ALDH1A1: variants seen among roughly 807,000 people sequenced by gnomAD.
ALDH1A1 encodes the protein aldehyde dehydrogenase 1 family member A1.
ALDH1A1 carries 19 observed loss-of-function variants against 62.1 expected under a neutral mutation model. The ratio of observed to expected loss-of-function variants is 0.31; its 90% CI spans 0.21 to 0.45. The LOEUF (loss-of-function observed/expected upper bound fraction) is 0.45. Ranked by LOEUF, ALDH1A1 falls within the 20% of genes least tolerant of loss-of-function variation. ALDH1A1 has a pLI of 1.00. For synonymous variants in ALDH1A1, 231 were observed against 215.9 expected, an observed-to-expected ratio of 1.07 and a Z score of -0.61; for missense variants, 521 against 607.1, an observed-to-expected ratio of 0.86 and a Z score of 1.49.
At chr9:72,912,282 A>G (rs1296703243) in intron 9 of ALDH1A1, among the ~76,000 whole-genome samples, 160 bp from the exon 10 acceptor site, 1 of 152,224 alleles carries the variant, frequency 6.6e-6, no homozygotes, top group Non-Finnish European at 1.5e-5. Flanking sequence ...TTCTTTGGAT[A>G]TATTTTCTTC....
Position 72,907,853 on chromosome 9 carries a change from T to A in ALDH1A1, c.1358+1749A>T, listed in dbSNP as rs776043936. ...CTGAATTTTATTAATGCTTTTATCA[T>A]AGGCAAATTCTATATTCATCACTAG... On this transcript the variant is annotated intron_variant, in intron 11 of 12. Transcript: ENST00000297785. Among the ~76,000 whole-genome samples, 210 of 152,326 alleles carry A rather than the reference T, an allele frequency of 1.4e-3. 1 individual carries two copies. The highest frequency in any genetic ancestry group is 2.0e-3 in the Non-Finnish European group (133 of 68,020).
At chr9:72,929,136 G>C in intron 3 of ALDH1A1, 115 bp from the exon 4 acceptor site, 1 of 1,163,596 alleles carries the variant, frequency 8.6e-7, no homozygotes. Flanking sequence ...AAGAAATCTT[G>C]TCATCTTGTC....
Position 72,904,959 on chromosome 9 carries a change from G to GCA in ALDH1A1, c.1433+997_1433+998dup, listed in dbSNP as rs1160682924. The stretch of plus-strand genomic sequence containing the variant: ...CATAGCAAGTGCTTAATAAATGAAA[G>GCA]CATATTGAGAAAGTAGACTGGTCAT... On this transcript the variant is annotated intron_variant, in intron 12 of 12. Transcript: ENST00000297785. Among the ~76,000 whole-genome samples, 15 of 152,206 alleles carry GCA rather than the reference G, an allele frequency of 9.9e-5. No individual in the cohort carries two copies. In the South Asian group the frequency reaches 3.1e-3, roughly 32 times the overall value.
At chr9:72,921,855 G>C (rs1266715581) in intron 7 of ALDH1A1, among the ~76,000 whole-genome samples, 1 of 151,996 alleles carries the variant, frequency 6.6e-6, no homozygotes, top group Non-Finnish European at 1.5e-5. Flanking sequence ...ATATGTGGTG[G>C]ACAATGGGAA....
At chr9:72,946,077 A>G (rs1830470308) in intron 1 of ALDH1A1, among the ~76,000 whole-genome samples, 1 of 152,006 alleles carries the variant, frequency 6.6e-6, no homozygotes, top group Non-Finnish European at 1.5e-5. Context: ...ACTGTGTCCT[A>G]GAGATGATAA....
At chr9:72,924,208 T>A (rs920527656) in intron 6 of ALDH1A1, 76 bp from the exon 7 acceptor site, 1 of 997,710 alleles carries the variant, frequency 1.0e-6, no homozygotes, top group South Asian at 1.6e-5. Context: ...ATTGAGATTG[T>A]CTCTTAATGC....
At chr9:72,908,155 C>G (rs913352985) in intron 11 of ALDH1A1, among the ~76,000 whole-genome samples, 14 of 152,094 alleles carry the variant, frequency 9.2e-5, no homozygotes, top group Admixed American at 6.5e-4. Context: ...CATGGTGGCT[C>G]AGGCCTGTAA....
chr9:72,951,404 C>T (rs1052673054), intron 1 of ALDH1A1, among the ~76,000 whole-genome samples: 3 of 151,494 alleles, frequency 2.0e-5, no homozygotes, highest in African/African-American at 2.4e-5. Flanking sequence ...TTAGAGCTTC[C>T]TTGAAATACA....
chr9:72,930,544 T>C (rs372227506), intron 3 of ALDH1A1, among the ~76,000 whole-genome samples: 2 of 152,238 alleles, frequency 1.3e-5, no homozygotes, highest in South Asian at 2.1e-4. Flanking sequence ...ACCTAATATA[T>C]CATTCTAGGA....
chr9:72,947,049 C>T (rs1425966288), intron 1 of ALDH1A1, among the ~76,000 whole-genome samples: 1 of 151,890 alleles, frequency 6.6e-6, no homozygotes, highest in South Asian at 2.1e-4. Context: ...GGGACAATAC[C>T]CTCTCTTAGG....
In ALDH1A1 at chr9:72,916,943, G is replaced by A; in HGVS notation, c.1012C>T (p.Pro338Ser). Reference protein sequence around the residue: ...KKYILGNPLTPGVTQGPQIDK... With the variant: ...KKYILGNPLTSGVTQGPQIDK... The stretch of plus-strand genomic sequence containing the variant: ...ACCTGAGGGCCTTGAGTGACTCCTG[G>A]GGTCAGAGGATTTCCAAGGATATAC... Residue 338 changes from proline to serine, a missense_variant, in exon 9 of 13, where the codon CCA becomes TCA. Pro to Ser is a moderately conservative substitution (Grantham distance 74). Coordinates refer to ENST00000297785, the MANE Select transcript of ALDH1A1 (RefSeq NM_000689.5). The A allele has an allele frequency of 6.2e-7, 1 of 1,611,314 alleles. No homozygotes were observed.
intron 9 of ALDH1A1, among the ~76,000 whole-genome samples, chr9:72,913,671 G>A (rs1246273016): frequency 6.6e-6 from 1 of 152,212 alleles, no homozygotes; most frequent in African/African-American, 2.4e-5. Flanking sequence ...GAAAAGGGCT[G>A]AAAAGCCTTA....
chr9:72,909,343 G>C (rs576684912), intron 11 of ALDH1A1, among the ~76,000 whole-genome samples: 4 of 151,710 alleles, frequency 2.6e-5, no homozygotes, highest in Non-Finnish European at 5.9e-5. Flanking sequence ...TAGTAGACAT[G>C]GCGTTTCACC....
chr9:72,938,209 G>A (rs559107849), intron 2 of ALDH1A1, among the ~76,000 whole-genome samples: 1 of 152,114 alleles, frequency 6.6e-6, no homozygotes, highest in East Asian at 1.9e-4. Flanking sequence ...GGGTGTTGCT[G>A]ACTTTAATTT....
chr9:72,919,677 C>T (rs1830112894), intron 7 of ALDH1A1, among the ~76,000 whole-genome samples: 1 of 152,222 alleles, frequency 6.6e-6, no homozygotes, highest in Non-Finnish European at 1.5e-5. Context: ...ACAGAAGGCT[C>T]ATTTAATTGC....
intron 6 of ALDH1A1, among the ~76,000 whole-genome samples, chr9:72,924,833 A>G (rs1830184259): frequency 6.6e-6 from 1 of 152,240 alleles, no homozygotes; most frequent in African/African-American, 2.4e-5. Context: ...TCTAGTGATT[A>G]ACATTTATTT....
intron 11 of ALDH1A1, among the ~76,000 whole-genome samples, chr9:72,908,559 GAAAGA>G (rs1262999356): frequency 0.025 from 210 of 8,502 alleles, no homozygotes; most frequent in Non-Finnish European, 0.033. Flanking sequence ...AAAGAAGAAA[GAAAGA>G]AAGAAAGAAA....
intron 2 of ALDH1A1, among the ~76,000 whole-genome samples, chr9:72,932,811 T>C (rs1364555757): frequency 4.6e-5 from 7 of 152,236 alleles, no homozygotes. Context: ...GATCTGTGGA[T>C]ACCAGAGCTT....
chr9:72,912,641 G>C (rs1717628779), intron 9 of ALDH1A1, among the ~76,000 whole-genome samples: 1 of 152,022 alleles, frequency 6.6e-6, no homozygotes, highest in Non-Finnish European at 1.5e-5. Flanking sequence ...GATGCCCTTG[G>C]ATATCCCATT....
Sources: gnomAD v4.1 joint callset for allele counts (sites outside exome capture counted in the v4.1 genomes callset) on GRCh38, gnomAD v4.1.1 for gene constraint, MANE v1.5 for transcripts, NCBI Gene and HGNC (gene_info 2026-07-23, HGNC 2026-07-21) for gene names.